The following H2BN1 variants were observed in gnomAD, a reference collection of about 807,000 sequenced individuals.
H2BN1 encodes H2B.N variant histone 1, also known as histone H2B.N.
At chr17:32,895,726 TC>T in the H2BN1 span, among the ~76,000 whole-genome samples, 3 of 152,188 alleles carry the variant, frequency 2.0e-5, no homozygotes, top group Admixed American at 2.0e-4. Context: ...CACATAGTGT[TC>T]CTGAAAAGTT....
chr17:32,901,071 G>A, the H2BN1 span, among the ~76,000 whole-genome samples: 1 of 152,058 alleles, frequency 6.6e-6, no homozygotes, highest in Non-Finnish European at 1.5e-5. Context: ...AGCTGGGCAT[G>A]GTGGCATGTG....
the H2BN1 span, among the ~76,000 whole-genome samples, chr17:32,902,779 G>T: frequency 6.6e-6 from 1 of 151,960 alleles, no homozygotes; most frequent in Non-Finnish European, 1.5e-5. Context: ...GGCGGAGCTT[G>T]CAGTGAGCCG....
the H2BN1 span, among the ~76,000 whole-genome samples, chr17:32,902,481 T>A: frequency 5.3e-5 from 8 of 152,226 alleles, no homozygotes; most frequent in South Asian, 1.7e-3. Context: ...AAATTAGGAG[T>A]TATGGTAATC....
chr17:32,902,681 A>G, the H2BN1 span, among the ~76,000 whole-genome samples: 1 of 152,132 alleles, frequency 6.6e-6, no homozygotes, highest in Non-Finnish European at 1.5e-5. Flanking sequence ...TTTACTAAAA[A>G]TTCAAAAAAT....
the H2BN1 span, among the ~76,000 whole-genome samples, chr17:32,902,353 G>T: frequency 6.6e-6 from 1 of 152,012 alleles, no homozygotes; most frequent in African/African-American, 2.4e-5. Context: ...GTTTATTTTG[G>T]GGTGTGGGCT....
At chr17:32,904,967 A>C in the H2BN1 span, among the ~76,000 whole-genome samples, 1 of 152,204 alleles carries the variant, frequency 6.6e-6, no homozygotes. Context: ...AAACCCAACA[A>C]TATGATCACT....
chr17:32,900,318 A>G, the H2BN1 span, among the ~76,000 whole-genome samples: 5 of 152,368 alleles, frequency 3.3e-5, no homozygotes, highest in East Asian at 1.9e-4. Context: ...GGGAAACCCA[A>G]TATCTTAAAG....
the H2BN1 span, among the ~76,000 whole-genome samples, chr17:32,904,368 A>C: frequency 6.6e-6 from 1 of 152,178 alleles, no homozygotes; most frequent in Non-Finnish European, 1.5e-5. Flanking sequence ...AGGCTCCTTA[A>C]ACAACAACTT....
the H2BN1 span, chr17:32,905,632 T>C: frequency 6.6e-6 from 1 of 152,072 alleles, no homozygotes; most frequent in African/African-American, 2.4e-5. Flanking sequence ...CCCAAGGTAG[T>C]AGGGGCACAG....
chr17:32,905,787 A>G, the H2BN1 span: 1 of 152,162 alleles, frequency 6.6e-6, no homozygotes, highest in Non-Finnish European at 1.5e-5. Flanking sequence ...TAGGTAGGTA[A>G]GAGACGAGTG....
At chr17:32,895,841 G>C in the H2BN1 span, among the ~76,000 whole-genome samples, 1 of 152,182 alleles carries the variant, frequency 6.6e-6, no homozygotes, top group African/African-American at 2.4e-5. Flanking sequence ...AGCTCTTAAT[G>C]AATGTCTCTC....
the H2BN1 span, among the ~76,000 whole-genome samples, chr17:32,897,400 C>T: frequency 1.4e-5 from 2 of 142,082 alleles, no homozygotes; most frequent in Non-Finnish European, 3.0e-5. Flanking sequence ...CACACAGCAA[C>T]AAGAAGCTGA....
chr17:32,902,173 C>T, the H2BN1 span, among the ~76,000 whole-genome samples: 3 of 151,046 alleles, frequency 2.0e-5, no homozygotes, highest in Non-Finnish European at 4.4e-5. Flanking sequence ...CTTCTGGGTT[C>T]CTTTTATCTT....
the H2BN1 span, among the ~76,000 whole-genome samples, chr17:32,897,916 G>GA: frequency 1.4e-4 from 22 of 152,220 alleles, no homozygotes; most frequent in Non-Finnish European, 4.4e-5. Flanking sequence ...TCTAAACTAA[G>GA]TGTTTTCCAT....
chr17:32,903,455 A>G, the H2BN1 span, among the ~76,000 whole-genome samples: 2 of 152,206 alleles, frequency 1.3e-5, no homozygotes, highest in Non-Finnish European at 1.5e-5. Context: ...AGGGAAATTA[A>G]TATGAATTTA....
At chr17:32,898,869 T>G in the H2BN1 span, among the ~76,000 whole-genome samples, 1 of 152,232 alleles carries the variant, frequency 6.6e-6, no homozygotes, top group Admixed American at 6.5e-5. Flanking sequence ...AGGTTGCTAT[T>G]ATTTTCTTCT....
the H2BN1 span, among the ~76,000 whole-genome samples, chr17:32,902,218 AG>A: frequency 7.5e-4 from 114 of 152,244 alleles, no homozygotes; most frequent in Admixed American, 1.8e-3. Context: ...ATTTTAAATT[AG>A]ACAGAAGTCA....
At chr17:32,896,249 G>T in the H2BN1 span, among the ~76,000 whole-genome samples, 2 of 152,140 alleles carry the variant, frequency 1.3e-5, no homozygotes, top group Non-Finnish European at 2.9e-5. Flanking sequence ...TCCTTTTCTT[G>T]TAAAGCGGAT....
chr17:32,905,472 C>A, the H2BN1 span, among the ~76,000 whole-genome samples: 1 of 151,878 alleles, frequency 6.6e-6, no homozygotes, highest in Non-Finnish European at 1.5e-5. Flanking sequence ...ATGTGAACCC[C>A]AAAAATCTGA....
Sources: gnomAD v4.1 joint callset for allele counts (sites outside exome capture counted in the v4.1 genomes callset) on GRCh38, gnomAD v4.1.1 for gene constraint, MANE v1.5 for transcripts, NCBI Gene and HGNC (gene_info 2026-07-23, HGNC 2026-07-21) for gene names.